Variants in FAM120A observed in about 807,000 individuals in gnomAD.
FAM120A encodes the protein family with sequence similarity 120 member A.
In FAM120A, 15 loss-of-function variants were observed where a neutral mutation model predicts 109.7. That is an observed-to-expected ratio of 0.14 (90% CI 0.09 to 0.21). The LOEUF (loss-of-function observed/expected upper bound fraction) is 0.21. Among genes scored for constraint, FAM120A ranks in the 10% least tolerant of loss-of-function variants. The pLI is 1.00. For missense variants in FAM120A, 899 were observed against 1,439.3 expected (o/e 0.62, Z 6.07); for synonymous variants, 493 against 572.8 (o/e 0.86, Z 1.99).
rs977768891 is a variant in FAM120A at position 93,527,168 on chromosome 9, A to G, written c.1432A>G (p.Asn478Asp). Residue 478 changes from asparagine (N) to aspartate (D), a missense_variant, in exon 8 of 18, where the codon AAC becomes GAC. Asn to Asp is a conservative substitution (Grantham distance 23, BLOSUM62 1). Coordinates refer to ENST00000277165, the MANE Select transcript of FAM120A (RefSeq NM_014612.5). ...TTTTATGTTTAGCCATATCAGCGGGAACAAGATTGGCTGGGAGAAGACGGG... is the reference window on the plus strand; with the variant it reads ...TTTTATGTTTAGCCATATCAGCGGGGACAAGATTGGCTGGGAGAAGACGGG... Reference protein sequence around the residue: ...SGGATNHISGNKIGWEKTGSH... With the variant: ...SGGATNHISGDKIGWEKTGSH... 1 of 1,614,088 alleles carries G rather than the reference A, an allele frequency of 6.2e-7. No individual in the cohort carries two copies. The highest frequency in any genetic ancestry group is 8.5e-7 in the Non-Finnish European group (1 of 1,179,940).
chr9:93,557,425 C>T (rs768888310), intron 13 of FAM120A, among the ~76,000 whole-genome samples: 6 of 152,108 alleles, frequency 3.9e-5, no homozygotes, highest in Non-Finnish European at 8.8e-5. Flanking sequence ...CTGTTGCACC[C>T]AGCCAGGGAC....
intron 1 of FAM120A, among the ~76,000 whole-genome samples, chr9:93,463,545 T>C (rs988410320): frequency 6.6e-6 from 1 of 152,220 alleles, no homozygotes; most frequent in African/African-American, 2.4e-5. Context: ...TATTCTTCAG[T>C]TGGACTAGAG....
Position 93,474,689 on chromosome 9 carries a change from G to A in FAM120A, c.722-1567G>A, listed in dbSNP as rs548996192. Among the ~76,000 whole-genome samples the A allele has an allele frequency of 2.1e-4, 32 of 151,996 alleles. 1 individual carries two copies. The highest frequency in any genetic ancestry group is 9.2e-4 in the Admixed American group (14 of 15,272). On this transcript the variant is annotated intron_variant, in intron 2 of 17. Coordinates refer to ENST00000277165, the MANE Select transcript of FAM120A (RefSeq NM_014612.5). ...CCTCACTGCAAGCTCCGCCTCCCAG[G>A]TTCACACCATTCTCCCACCTCAGCC...
intron 3 of FAM120A, among the ~76,000 whole-genome samples, chr9:93,481,397 T>A (rs1858799521): frequency 6.6e-6 from 1 of 152,256 alleles, no homozygotes; most frequent in Non-Finnish European, 1.5e-5. Context: ...GCCTCTGGTT[T>A]TCTTGAATCT....
chr9:93,525,733 C>T (rs1033567426), intron 7 of FAM120A, among the ~76,000 whole-genome samples: 1 of 137,164 alleles, frequency 7.3e-6, no homozygotes, highest in Non-Finnish European at 1.7e-5. Flanking sequence ...GACCACTACA[C>T]TCTGGGGATG....
intron 3 of FAM120A, among the ~76,000 whole-genome samples, chr9:93,478,278 G>GT (rs199498106): frequency 0.043 from 6,406 of 148,672 alleles, 456 homozygotes; most frequent in African/African-American, 0.15. Flanking sequence ...GTCATTTATA[G>GT]GTTTTTTTTT....
At chr9:93,558,076 C>G (rs1254534723) in intron 14 of FAM120A, 66 bp downstream of exon 14, 4 of 1,441,820 alleles carry the variant, frequency 2.8e-6, no homozygotes, top group Non-Finnish European at 3.7e-6. Context: ...AAGTGCAGCC[C>G]TTATAGGCAA....
At chr9:93,497,721 C>G (rs558705994) in intron 4 of FAM120A, 122 bp downstream of exon 4, 8 of 1,230,674 alleles carry the variant, frequency 6.5e-6, no homozygotes, top group Non-Finnish European at 8.7e-6. Flanking sequence ...GGTCTGAGAG[C>G]TCTTGCTCAG....
In FAM120A at chr9:93,452,146, C is replaced by T; in HGVS notation, c.231C>T (p.Tyr77=). The T allele has an allele frequency of 6.2e-7, 1 of 1,611,822 alleles. No homozygotes were observed. The highest frequency in any genetic ancestry group is 8.5e-7 in the Non-Finnish European group (1 of 1,179,778). ...GCCAGTGGAACCACATGCTTGGCTA[C>T]CTGGCGGCGCTGGCCAAGGCCTGCT... ...SGGQWNHMLG[Y]LAALAKACFG... is the part of the protein sequence containing the mutation. Residue 77 remains tyrosine (Y), a synonymous_variant, in exon 1 of 18, where the codon TAC becomes TAT. Coordinates refer to ENST00000277165, the MANE Select transcript of FAM120A (RefSeq NM_014612.5). The surrounding 1 kb of genome is among the most constrained non-coding windows in gnomAD (Gnocchi z 7.0).
chr9:93,548,385 C>T (rs1861969525), intron 11 of FAM120A, among the ~76,000 whole-genome samples: 1 of 152,046 alleles, frequency 6.6e-6, no homozygotes, highest in Non-Finnish European at 1.5e-5. Flanking sequence ...GCTGGGATTA[C>T]AACATTTTAA....
Position 93,452,621 on chromosome 9 carries a change from G to C in FAM120A, c.474+232G>C. 6.3e-7 allele frequency: 1 copy of C among 1,599,258 alleles called. No individual in the cohort carries two copies. On this transcript the variant is annotated intron_variant, in intron 1 of 17. Transcript: ENST00000277165. This position sits in a 1 kb window ranked among gnomAD's most constrained non-coding sequence, Gnocchi z 7.0. ...GTCCCTGTTCGGGGTCCGCGGCCGC[G>C]TGGGGACACTTGAGGGCTGGGAGAG... is the stretch of plus-strand genomic sequence containing the variant.
chr9:93,476,160 A>G (rs1292587814), intron 2 of FAM120A, 96 bp from the exon 3 acceptor site: 2 of 733,556 alleles, frequency 2.7e-6, no homozygotes, highest in Non-Finnish European at 4.6e-6. Context: ...TCTGTTTGAA[A>G]GTTTTCTACT....
Position 93,519,885 on chromosome 9 carries a change from AT to A in FAM120A, c.1418+3623del, listed in dbSNP as rs541663407. Among the ~76,000 whole-genome samples the A allele has an allele frequency of 3.3e-5, 5 of 152,108 alleles. No individual in the cohort carries two copies. The South Asian group carries it at 1.0e-3, about 32-fold the overall frequency. On this transcript the variant is annotated intron_variant, in intron 7 of 17. Coordinates refer to ENST00000277165, the MANE Select transcript of FAM120A (RefSeq NM_014612.5). ...GTGGTTTTCTAAAATTATTATTATT[AT>A]TTTTTTAGGGACAGGGTCTTGCTGT...
chr9:93,481,315 T>C (rs1485697692), intron 3 of FAM120A, among the ~76,000 whole-genome samples: 2 of 152,256 alleles, frequency 1.3e-5, no homozygotes, highest in African/African-American at 4.8e-5. Flanking sequence ...GGGCATTTTG[T>C]TGTTTTAATT....
intron 3 of FAM120A, among the ~76,000 whole-genome samples, chr9:93,495,119 C>T (rs1034399667): frequency 5.3e-5 from 8 of 152,206 alleles, no homozygotes; most frequent in Non-Finnish European, 1.5e-5. Context: ...TGGTGGGCAG[C>T]AGGCCCTCCG....
Position 93,556,417 on chromosome 9 carries a change from A to C in FAM120A, c.2310A>C (p.Ser770=), listed in dbSNP as rs1564360727. The change falls in exon 13 of 18, where the codon TCA becomes TCC. Residue 770 remains serine, a synonymous_variant. Transcript: ENST00000277165. ...TAGATCCCCGAGGAATTCAGCTATC[A>C]GCTCTCTTCATGAGTGGAGTAGACA... ...ENLDPRGIQL[S]ALFMSGVDMA... is the part of the protein sequence containing the mutation. The C allele has an allele frequency of 1.2e-6, 2 of 1,614,242 alleles. No individual in the cohort carries two copies. The highest frequency in any genetic ancestry group is 1.6e-4 in the Middle Eastern group (1 of 6,062).
intron 8 of FAM120A, 121 bp downstream of exon 8, chr9:93,527,363 A>G (rs1861129371): frequency 1.4e-6 from 1 of 734,368 alleles, no homozygotes; most frequent in South Asian, 1.8e-5. Flanking sequence ...GTAAACCTTT[A>G]CAAAGGGGAT....
chr9:93,484,624 A>G (rs962602506), intron 3 of FAM120A, among the ~76,000 whole-genome samples: 2 of 152,056 alleles, frequency 1.3e-5, no homozygotes, highest in African/African-American at 4.8e-5. Flanking sequence ...CCCAGGCTGG[A>G]GTGCAGTGGC....
At chr9:93,553,040 C>A (rs1208671283) in intron 12 of FAM120A, among the ~76,000 whole-genome samples, 1 of 152,238 alleles carries the variant, frequency 6.6e-6, no homozygotes, top group Non-Finnish European at 1.5e-5. Flanking sequence ...TTAAGAATTT[C>A]ATCTCATCCA....
Sources: gnomAD v4.1 joint callset for allele counts (sites outside exome capture counted in the v4.1 genomes callset) on GRCh38, gnomAD v4.1.1 for gene constraint, Gnocchi (gnomAD v3.1) non-coding constraint, MANE v1.5 for transcripts, NCBI Gene and HGNC (gene_info 2026-07-23, HGNC 2026-07-21) for gene names.